ADAMTS18: variants seen among roughly 807,000 people sequenced by gnomAD.
ADAMTS18 encodes ADAM metallopeptidase with thrombospondin type 1 motif 18, also known as A disintegrin and metalloproteinase with thrombospondin motifs 18.
In ADAMTS18, 157 loss-of-function variants were observed where a neutral mutation model predicts 165.9. The ratio of observed to expected loss-of-function variants is 0.95; its 90% CI spans 0.83 to 1.08. The LOEUF is 1.08. ADAMTS18 is among the 50% of genes least tolerant of loss of function. ADAMTS18 has a pLI of 0.00. For synonymous variants in ADAMTS18, 782 were observed against 578.2 expected (o/e 1.35, Z -5.06); for missense variants, 2,040 against 1,534.0 (o/e 1.33, Z -5.51).
At chr16:77,352,222 CT>C (rs1026699824) in intron 10 of ADAMTS18, among the ~76,000 whole-genome samples, 117 of 152,168 alleles carry the variant, frequency 7.7e-4, no homozygotes, top group African/African-American at 2.7e-3. Flanking sequence ...TTTCTTCGGA[CT>C]GGAGTTATGT....
chr16:77,331,023 T>G (rs1489924813), intron 12 of ADAMTS18, among the ~76,000 whole-genome samples: 1 of 152,220 alleles, frequency 6.6e-6, no homozygotes, highest in East Asian at 1.9e-4. Context: ...TCTACTTGTT[T>G]TATTTATGGC....
chr16:77,337,829 G>C (rs1369774407), intron 11 of ADAMTS18, among the ~76,000 whole-genome samples: 1 of 151,692 alleles, frequency 6.6e-6, no homozygotes. Context: ...ACATTCACAT[G>C]AATAGGTAAA....
At chr16:77,330,981 A>G (rs2144661011) in intron 12 of ADAMTS18, among the ~76,000 whole-genome samples, 1 of 152,334 alleles carries the variant, frequency 6.6e-6, no homozygotes, top group African/African-American at 2.4e-5. Context: ...GAGACAGAAC[A>G]ATTAATTCAG....
At chr16:77,375,413 C>G (rs995622054) in intron 3 of ADAMTS18, among the ~76,000 whole-genome samples, 3 of 152,094 alleles carry the variant, frequency 2.0e-5, no homozygotes, top group Admixed American at 6.6e-5. Flanking sequence ...AGAAAAAGAG[C>G]AAAGTTCCAT....
At chr16:77,401,717 G>C (rs1046545272) in intron 3 of ADAMTS18, among the ~76,000 whole-genome samples, 6 of 152,202 alleles carry the variant, frequency 3.9e-5, no homozygotes, top group Non-Finnish European at 8.8e-5. Context: ...GACTAAAGAG[G>C]ATTCACCCTC....
chr16:77,308,084 T>G (rs555116379), intron 16 of ADAMTS18, among the ~76,000 whole-genome samples: 89 of 152,322 alleles, frequency 5.8e-4, no homozygotes, highest in African/African-American at 1.7e-3. Flanking sequence ...GCTGTCGTTT[T>G]CAGCTTCAGG....
Position 77,434,310 on chromosome 16 carries a change from C to A in ADAMTS18, c.178+108G>T, listed in dbSNP as rs898236430. The A allele has an allele frequency of 5.4e-6, 7 of 1,300,764 alleles. No individual in the cohort carries two copies. In the Admixed American group the frequency reaches 1.4e-4, roughly 26 times the overall value. 80.6% of individuals were successfully genotyped at this position (1,300,764 alleles called of 1,614,324 possible). A position where few individuals can be genotyped will look rare whatever the true frequency, so the allele number is the denominator to read the frequency against. ...CAGGAACCATTTCCAAGACAGCGCA[C>A]ACCTGCCAGGTTAGGGGGTGCGCTT... On this transcript the variant is annotated intron_variant, in intron 2 of 22. Coordinates refer to ENST00000282849, the MANE Select transcript of ADAMTS18 (RefSeq NM_199355.4).
intron 13 of ADAMTS18, among the ~76,000 whole-genome samples, 172 bp from the exon 14 acceptor site, chr16:77,322,638 C>T (rs920930272): frequency 3.3e-5 from 5 of 152,182 alleles, no homozygotes; most frequent in African/African-American, 1.2e-4. Context: ...GCATGAGTCC[C>T]ATGTAACAAT....
intron 3 of ADAMTS18, among the ~76,000 whole-genome samples, chr16:77,383,682 A>C (rs547539861): frequency 1.1e-4 from 17 of 152,212 alleles, no homozygotes; most frequent in African/African-American, 3.9e-4. Context: ...AGCTGGGATT[A>C]CAGGCACCCA....
At chr16:77,303,976 G>A (rs1047298456) in intron 16 of ADAMTS18, among the ~76,000 whole-genome samples, 2 of 152,094 alleles carry the variant, frequency 1.3e-5, no homozygotes, top group African/African-American at 2.4e-5. Flanking sequence ...CTTGCAGTGA[G>A]CCGAGATCAC....
intron 3 of ADAMTS18, among the ~76,000 whole-genome samples, chr16:77,428,141 C>G (rs984004672): frequency 3.9e-4 from 60 of 152,304 alleles, no homozygotes; most frequent in African/African-American, 1.4e-3. Context: ...CAGAGAAACA[C>G]TGATATATAA....
chr16:77,355,651 G>A (rs1339011646), intron 9 of ADAMTS18, among the ~76,000 whole-genome samples: 1 of 152,112 alleles, frequency 6.6e-6, no homozygotes, highest in East Asian at 1.9e-4. Context: ...AGTACCTTAT[G>A]CAACACAATT....
In ADAMTS18 at chr16:77,434,601, C is replaced by T; in HGVS notation, c.90+5G>A. On this transcript the variant is annotated splice_donor_5th_base_variant and intron_variant, in intron 1 of 22. Transcript: ENST00000282849. ...GCTCTCGGAGCTCCGCTCGGCGGCA[C>T]CTGCCTTGGCCACGCGCCCCAGTCC... The T allele has an allele frequency of 6.6e-7, 1 of 1,524,134 alleles. No individual in the cohort carries two copies. The highest frequency in any genetic ancestry group is 8.8e-7 in the Non-Finnish European group (1 of 1,141,264). 94.4% of individuals were successfully genotyped at this position (1,524,134 alleles called of 1,614,324 possible).
chr16:77,431,377 G>A lies in ADAMTS18; in HGVS notation c.413C>T (p.Pro138Leu), dbSNP rs768496261. 1.9e-6 allele frequency: 3 copies of A among 1,614,068 alleles called. No homozygotes were observed. The highest frequency in any genetic ancestry group is 8.5e-7 in the Non-Finnish European group (1 of 1,180,024). ...GKDGASETQK[P>L]EVQQCFYQGF... is the part of the protein sequence containing the mutation. The stretch of plus-strand genomic sequence containing the variant: ...CTGATAGAAGCATTGCTGCACCTCG[G>A]GTTTCTGAGTCTCTGAAGCACCATC... Residue 138 changes from proline (P) to leucine (L), a missense_variant, in exon 3 of 23, where the codon CCC becomes CTC. Pro to Leu is a moderately conservative substitution (Grantham distance 98, BLOSUM62 -3). Coordinates refer to ENST00000282849, the MANE Select transcript of ADAMTS18 (RefSeq NM_199355.4).
intron 8 of ADAMTS18, among the ~76,000 whole-genome samples, chr16:77,357,083 A>G (rs1355509786): frequency 6.8e-6 from 1 of 145,998 alleles, no homozygotes; most frequent in African/African-American, 2.5e-5. Flanking sequence ...TCATTATTTA[A>G]AAGAATAAAA....
At chr16:77,424,231 G>A (rs893591060) in intron 3 of ADAMTS18, among the ~76,000 whole-genome samples, 3 of 152,170 alleles carry the variant, frequency 2.0e-5, no homozygotes, top group Non-Finnish European at 4.4e-5. Context: ...CACTTTGGGA[G>A]GCCAAGGCAG....
intron 2 of ADAMTS18, among the ~76,000 whole-genome samples, chr16:77,433,124 G>A (rs999639860): frequency 9.9e-5 from 15 of 152,124 alleles, no homozygotes; most frequent in Non-Finnish European, 2.1e-4. Flanking sequence ...GCTTTAAAGG[G>A]ATGTGGCTCT....
intron 3 of ADAMTS18, 31 bp from the exon 4 acceptor site, chr16:77,367,754 TG>T: frequency 6.2e-7 from 1 of 1,614,152 alleles, no homozygotes; most frequent in Non-Finnish European, 8.5e-7. Flanking sequence ...CAAACAGTCA[TG>T]ATTCCATGCA....
chr16:77,291,312 G>A lies in ADAMTS18; in HGVS notation c.3356C>T (p.Pro1119Leu). Residue 1119 changes from proline (P) to leucine (L), a missense_variant, in exon 21 of 23, where the codon CCA becomes CTA. Coordinates refer to ENST00000282849, the MANE Select transcript of ADAMTS18 (RefSeq NM_199355.4). ...CCATCCAGCTACCATGTTGTACACT[G>A]GATGGGCTGGGCAAGCCCGTCGGTT... ...TCNRRACPAH[P>L]VYNMVAGWYS... is the part of the protein sequence containing the mutation. The A allele has an allele frequency of 6.2e-7, 1 of 1,614,200 alleles. No homozygotes were observed. Among genetic ancestry groups the A allele is most frequent in the Non-Finnish European group, 8.5e-7 (1 of 1,180,018 alleles).
Sources: allele counts gnomAD v4.1 joint callset (sites outside exome capture counted in the v4.1 genomes callset), GRCh38; gene constraint gnomAD v4.1.1; transcripts MANE v1.5; gene names NCBI Gene and HGNC (gene_info 2026-07-23, HGNC 2026-07-21).